RNF135: variants seen among roughly 807,000 people sequenced by gnomAD.
RNF135 encodes E3 ubiquitin-protein ligase RNF135.
In RNF135, 46 loss-of-function variants were observed where a neutral mutation model predicts 41.9. The observed-to-expected ratio is 1.10, with a 90% CI of 0.87 to 1.40. RNF135 has a LOEUF of 1.40. Among genes scored for constraint, RNF135 ranks in the 40% most tolerant of loss-of-function variants. The pLI is 0.00. For missense variants in RNF135, 539 were observed against 549.8 expected (o/e 0.98, Z 0.20); for synonymous variants, 238 against 223.8 (o/e 1.06, Z -0.57).
At chr17:30,970,296 G>C (rs985663124), upstream of RNF135, 8 of 152,042 alleles carry the variant, frequency 5.3e-5, no homozygotes, top group Admixed American at 4.6e-4. Flanking sequence ...TGCGAAGTGA[G>C]TGAGTGAGTG....
At chr17:30,989,333 T>C (rs1417321427) in intron 3 of RNF135, among the ~76,000 whole-genome samples, 1 of 152,134 alleles carries the variant, frequency 6.6e-6, no homozygotes, top group Non-Finnish European at 1.5e-5. Flanking sequence ...CATTGCATCC[T>C]GGGCAACAGA....
chr17:30,960,108 T>C, the RNF135 span, among the ~76,000 whole-genome samples: 1 of 151,980 alleles, frequency 6.6e-6, no homozygotes, highest in Admixed American at 6.6e-5. Flanking sequence ...GAAAGAAATT[T>C]ATTGGCCGGG....
the RNF135 span, among the ~76,000 whole-genome samples, chr17:30,963,601 T>A: frequency 6.6e-6 from 1 of 152,012 alleles, no homozygotes; most frequent in Non-Finnish European, 1.5e-5. Context: ...GTGGTTTGCT[T>A]TTTCTACTGT....
intron 1 of RNF135, chr17:30,980,354 T>C: frequency 7.8e-6 from 1 of 127,768 alleles, no homozygotes; most frequent in African/African-American, 3.1e-5. Context: ...CCCACCTCCC[T>C]CCCGGACGGG....
chr17:30,988,900 G>T (rs1458526944), intron 3 of RNF135, among the ~76,000 whole-genome samples: 14 of 124,900 alleles, frequency 1.1e-4, no homozygotes, highest in Admixed American at 3.1e-4. Flanking sequence ...TTTTGCGTTG[G>T]TTTTTTTTTT....
chr17:30,982,556 A>G (rs1259444327), intron 1 of RNF135, among the ~76,000 whole-genome samples: 6 of 152,146 alleles, frequency 3.9e-5, no homozygotes, highest in Non-Finnish European at 8.8e-5. Context: ...TCAGTAATAT[A>G]AAGTTAAAAC....
rs140765850 is a variant in RNF135 at position 30,995,029 on chromosome 17, A to G, written c.680-2213A>G. Among the ~76,000 whole-genome samples, 1,140 of 152,124 alleles carry G rather than the reference A, an allele frequency of 7.5e-3. 17 individuals are homozygous for G. Among genetic ancestry groups the G allele is most frequent in the African/African-American group, 0.026 (1,078 of 41,520 alleles). On this transcript the variant is annotated intron_variant, in intron 3 of 4. Transcript: ENST00000328381. ...ACAACTATGGCTCACTGTAACCTCA[A>G]TCCTCCTGCTTCAGCCTCCCCAGTA...
At chr17:30,982,243 C>T (rs1452942334) in intron 1 of RNF135, among the ~76,000 whole-genome samples, 1 of 152,240 alleles carries the variant, frequency 6.6e-6, no homozygotes, top group Admixed American at 6.5e-5. Flanking sequence ...ATTTAGAGCC[C>T]CAGAGCACTT....
intron 3 of RNF135, among the ~76,000 whole-genome samples, chr17:30,994,312 G>A (rs1598101936): frequency 6.6e-6 from 1 of 152,236 alleles, no homozygotes; most frequent in East Asian, 1.9e-4. Flanking sequence ...GGAGGTTGAG[G>A]TGGGCAGATC....
chr17:30,967,591 T>G (rs1905601734), upstream of RNF135, among the ~76,000 whole-genome samples: 1 of 152,130 alleles, frequency 6.6e-6, no homozygotes, highest in Non-Finnish European at 1.5e-5. Flanking sequence ...TAGAGAAGTA[T>G]TACAAAGTGA....
At chr17:30,986,717 G>A (rs986764518) in intron 2 of RNF135, among the ~76,000 whole-genome samples, 5 of 152,166 alleles carry the variant, frequency 3.3e-5, no homozygotes, top group Admixed American at 6.5e-5. Context: ...ATCTATCTGC[G>A]TCTCAGGTTC....
chr17:30,965,185 A>G, the RNF135 span: 3 of 152,134 alleles, frequency 2.0e-5, no homozygotes, highest in East Asian at 5.8e-4. Flanking sequence ...CCTGGCCTCT[A>G]TAAAAAATAC....
chr17:30,971,392 A>T lies in RNF135; in HGVS notation c.319A>T (p.Ser107Cys). ...DPAHCPCPGS[S>C]SLSSAAARPR... is the part of the protein sequence containing the mutation. Reference sequence around the variant, plus strand: ...TGCCCACTGCCCCTGCCCGGGCTCCAGTTCCCTCTCCAGCGCGGCCGCGAG... The same window carrying T: ...TGCCCACTGCCCCTGCCCGGGCTCCTGTTCCCTCTCCAGCGCGGCCGCGAG... The change falls in exon 1 of 5, where the codon AGT becomes TGT. Residue 107 changes from serine to cysteine, a missense_variant. Physicochemically the swap from Ser to Cys is moderately radical, Grantham distance 112. This residue lies in a region of RNF135 where 277 missense variants were observed against 212.8 expected (regional missense o/e 1.30). Coordinates refer to ENST00000328381, the MANE Select transcript of RNF135 (RefSeq NM_032322.4). 6.6e-7 allele frequency: 1 copy of T among 1,523,684 alleles called. No homozygotes were observed. Among genetic ancestry groups the T allele is most frequent in the Non-Finnish European group, 8.8e-7 (1 of 1,141,496 alleles). 94.4% of individuals were successfully genotyped at this position (1,523,684 alleles called of 1,614,324 possible).
chr17:30,982,361 C>T (rs982615683), intron 1 of RNF135, among the ~76,000 whole-genome samples: 21 of 152,180 alleles, frequency 1.4e-4, no homozygotes, highest in East Asian at 1.9e-4. Flanking sequence ...TGTGGGTAGG[C>T]GTCAGCTGAA....
intron 1 of RNF135, among the ~76,000 whole-genome samples, chr17:30,980,490 G>A (rs1291507779): frequency 7.5e-6 from 1 of 133,332 alleles, no homozygotes; most frequent in Non-Finnish European, 1.7e-5. Flanking sequence ...GCGGCTGGCC[G>A]GGCGGGGGGC....
chr17:30,994,704 G>A (rs1908221290), intron 3 of RNF135, among the ~76,000 whole-genome samples: 1 of 151,034 alleles, frequency 6.6e-6, no homozygotes, highest in Non-Finnish European at 1.5e-5. Context: ...CATGATCTCG[G>A]CTCACTGCGA....
rs1567751052 is a variant in RNF135, at chr17:30,998,641, GTTC to G, written c.770-18_770-16del. On this transcript the variant is annotated intron_variant, in intron 4 of 4. Coordinates refer to ENST00000328381, the MANE Select transcript of RNF135 (RefSeq NM_032322.4). The stretch of plus-strand genomic sequence containing the variant: ...AAAGATGACCGGCCATGTTCTTATT[GTTC>G]TTTTTTTTTTTCCAAAGGGGCCATC... 2 of 1,608,734 alleles carry G rather than the reference GTTC, an allele frequency of 1.2e-6. No homozygotes were observed. Among genetic ancestry groups the G allele is most frequent in the African/African-American group, 2.7e-5 (2 of 74,734 alleles).
At chr17:30,969,504 G>A (rs1299556203), upstream of RNF135, among the ~76,000 whole-genome samples, 1 of 152,148 alleles carries the variant, frequency 6.6e-6, no homozygotes, top group Non-Finnish European at 1.5e-5. Context: ...GTCACCGGAT[G>A]ATGGTTTCAT....
intron 1 of RNF135, among the ~76,000 whole-genome samples, chr17:30,979,748 G>GC (rs1231266884): frequency 2.4e-5 from 3 of 125,566 alleles, no homozygotes; most frequent in African/African-American, 9.0e-5. Flanking sequence ...GGGGCGGCTG[G>GC]CCGGGCAGGG....
Sources: allele counts gnomAD v4.1 joint callset (sites outside exome capture counted in the v4.1 genomes callset), GRCh38; gene constraint gnomAD v4.1.1; regional missense constraint gnomAD v4.1.1; transcripts MANE v1.5; gene names NCBI Gene and HGNC (gene_info 2026-07-23, HGNC 2026-07-21).